The following SLIT2 variants were observed in gnomAD, a reference collection of about 807,000 sequenced individuals.
The protein encoded by SLIT2 is slit guidance ligand 2.
Under a neutral mutation model 185.7 loss-of-function variants are expected in SLIT2, and 41 were observed. That is an observed-to-expected ratio of 0.22 (90% CI 0.17 to 0.29). SLIT2 has a LOEUF of 0.29. SLIT2 is among the 10% of genes least tolerant of loss of function. The pLI is 1.00. For missense variants in SLIT2, 1,571 were observed against 1,909.0 expected (o/e 0.82, Z 3.30); for synonymous variants, 693 against 680.2 (o/e 1.02, Z -0.29).
chr4:20,317,311 A>G (rs760632017), intron 4 of SLIT2, among the ~76,000 whole-genome samples: 4 of 131,978 alleles, frequency 3.0e-5, no homozygotes, highest in Non-Finnish European at 5.1e-5. Flanking sequence ...GAAAGGAAAG[A>G]AAAAAAAACA....
At chr4:20,424,184 A>C (rs2109474815) in intron 4 of SLIT2, among the ~76,000 whole-genome samples, 1 of 152,258 alleles carries the variant, frequency 6.6e-6, no homozygotes, top group African/African-American at 2.4e-5. Flanking sequence ...AAATTGATCA[A>C]GTTAGTACAA....
At chr4:20,562,060 G>T (rs1368812315) in intron 26 of SLIT2, among the ~76,000 whole-genome samples, 1 of 151,752 alleles carries the variant, frequency 6.6e-6, no homozygotes, top group South Asian at 2.1e-4. Flanking sequence ...TAATCCAAAA[G>T]GTGTAGTAAT....
At chr4:20,464,081 C>G (rs1714080740) in intron 4 of SLIT2, among the ~76,000 whole-genome samples, 1 of 151,966 alleles carries the variant, frequency 6.6e-6, no homozygotes, top group African/African-American at 2.4e-5. Context: ...TGTTAGTCTT[C>G]TCTATTTTTT....
intron 4 of SLIT2, among the ~76,000 whole-genome samples, chr4:20,442,689 G>A (rs1729862275): frequency 6.6e-6 from 1 of 152,128 alleles, no homozygotes; most frequent in Non-Finnish European, 1.5e-5. Context: ...AGGATGAGTT[G>A]GAGAGGGTGT....
At position 20,452,699 on chromosome 4, in the gene SLIT2, A is replaced by G. The variant is rs114961684; in HGVS notation, c.396-15053A>G. Among the ~76,000 whole-genome samples, 1,057 of 152,136 alleles carry G rather than the reference A, an allele frequency of 6.9e-3. 21 individuals carry two copies. The highest frequency in any genetic ancestry group is 0.024 in the African/African-American group (1,000 of 41,494). ...TCTTACTCCAACACAGCTTTCAGCC[A>G]TTTCTTTGATTTTTCATATTGTGTT... On this transcript the variant is annotated intron_variant, in intron 4 of 36. Transcript: ENST00000504154.
rs140947655 is a variant in SLIT2, at chr4:20,594,303, A to G, written c.3183-1394A>G. 6.8e-3 allele frequency among the ~76,000 whole-genome samples: 1,021 copies of G among 151,048 alleles called. 7 individuals carry two copies. The highest frequency in any genetic ancestry group is 8.6e-3 in the African/African-American group (356 of 41,246). ...TATGTATATGTGTGTATATATATATATGTGTGTGTATATATGAGAAAACTA... is the reference window on the plus strand; with the variant it reads ...TATGTATATGTGTGTATATATATATGTGTGTGTGTATATATGAGAAAACTA... On this transcript the variant is annotated intron_variant, in intron 30 of 36. Transcript: ENST00000504154.
intron 18 of SLIT2, among the ~76,000 whole-genome samples, chr4:20,535,744 G>C (rs1722214238): frequency 6.6e-6 from 1 of 152,146 alleles, no homozygotes. Context: ...TGCTCATAGG[G>C]AGAGAGAATG....
At chr4:20,384,316 A>T (rs752121737) in intron 4 of SLIT2, among the ~76,000 whole-genome samples, 8 of 152,194 alleles carry the variant, frequency 5.3e-5, no homozygotes, top group Non-Finnish European at 8.8e-5. Flanking sequence ...ATAATATTCC[A>T]GGAAAATCAA....
intron 4 of SLIT2, among the ~76,000 whole-genome samples, chr4:20,277,209 GA>G (rs1425573526): frequency 2.6e-5 from 4 of 151,844 alleles, no homozygotes; most frequent in East Asian, 3.9e-4. Flanking sequence ...CACCTAAGGG[GA>G]AAAAAAACTT....
At position 20,259,536 on chromosome 4, in the gene SLIT2, G is replaced by A. The variant is rs567484869; in HGVS notation, c.323+1597G>A. 1.9e-4 allele frequency among the ~76,000 whole-genome samples: 29 copies of A among 151,626 alleles called. 1 individual carries two copies. The South Asian group carries it at 5.8e-3, about 30-fold the overall frequency. On this transcript the variant is annotated intron_variant, in intron 3 of 36. Transcript: ENST00000504154. Reference sequence around the variant, plus strand: ...ATATTGTTGTTTTAAATATTTTCAGGGACACTAGAACTAAACAAACTTTCT... The same window carrying A: ...ATATTGTTGTTTTAAATATTTTCAGAGACACTAGAACTAAACAAACTTTCT...
intron 4 of SLIT2, among the ~76,000 whole-genome samples, chr4:20,447,843 C>A (rs932652024): frequency 6.6e-6 from 1 of 152,132 alleles, no homozygotes; most frequent in Non-Finnish European, 1.5e-5. Context: ...TTTGTGTTAG[C>A]AATAAATTGA....
At chr4:20,331,412 C>T (rs1720057972) in intron 4 of SLIT2, among the ~76,000 whole-genome samples, 1 of 152,006 alleles carries the variant, frequency 6.6e-6, no homozygotes, top group African/African-American at 2.4e-5. Flanking sequence ...GTTGCATTCT[C>T]CCTGAGAAAA....
At chr4:20,541,660 C>G in intron 20 of SLIT2, 41 bp downstream of exon 20, 1 of 1,510,570 alleles carries the variant, frequency 6.6e-7, no homozygotes, top group Non-Finnish European at 9.2e-7. Context: ...CAGGCATTCA[C>G]ATGCCTGTTC....
chr4:20,404,707 T>A (rs1419352185), intron 4 of SLIT2, among the ~76,000 whole-genome samples: 1 of 152,000 alleles, frequency 6.6e-6, no homozygotes, highest in Non-Finnish European at 1.5e-5. Context: ...TCCTACATAT[T>A]TAAACAAAAC....
At chr4:20,440,862 T>C (rs1729687029) in intron 4 of SLIT2, among the ~76,000 whole-genome samples, 1 of 152,186 alleles carries the variant, frequency 6.6e-6, no homozygotes, top group South Asian at 2.1e-4. Context: ...TTTAAGAGAC[T>C]CACCTATTGA....
At chr4:20,268,003 A>G (rs566729997) in intron 3 of SLIT2, among the ~76,000 whole-genome samples, 1 of 151,866 alleles carries the variant, frequency 6.6e-6, no homozygotes, top group Non-Finnish European at 1.5e-5. Context: ...TTTTAAATTA[A>G]ATGTTAAATT....
chr4:20,600,568 A>G (rs920495822), intron 33 of SLIT2, among the ~76,000 whole-genome samples: 1 of 151,854 alleles, frequency 6.6e-6, no homozygotes, highest in Non-Finnish European at 1.5e-5. Context: ...GACTACGGGC[A>G]CCCACCACTA....
intron 4 of SLIT2, among the ~76,000 whole-genome samples, chr4:20,454,410 T>A (rs1712818526): frequency 6.6e-6 from 1 of 152,246 alleles, no homozygotes; most frequent in Non-Finnish European, 1.5e-5. Flanking sequence ...AATATACTTT[T>A]AATCAAATTA....
At chr4:20,352,856 T>G (rs1721999557) in intron 4 of SLIT2, among the ~76,000 whole-genome samples, 2 of 152,204 alleles carry the variant, frequency 1.3e-5, no homozygotes, top group African/African-American at 4.8e-5. Context: ...GAGGTTGCCA[T>G]GAGCCGAGAG....
Sources: gnomAD v4.1 joint callset for allele counts (sites outside exome capture counted in the v4.1 genomes callset) on GRCh38, gnomAD v4.1.1 for gene constraint, MANE v1.5 for transcripts, NCBI Gene and HGNC (gene_info 2026-07-23, HGNC 2026-07-21) for gene names.